The following NBAS variants were observed in gnomAD, a reference collection of about 807,000 sequenced individuals.
The protein encoded by NBAS is NBAS subunit of NRZ tethering complex, also known as NAG/BC035112 fusion.
NBAS carries 219 observed loss-of-function variants against 302.5 expected under a neutral mutation model. That is an observed-to-expected ratio of 0.72 (90% CI 0.65 to 0.81). NBAS has a LOEUF of 0.81. Ranked by LOEUF, NBAS falls within the 30% of genes least tolerant of loss-of-function variation. The pLI is 0.00. For synonymous variants in NBAS, 1,118 were observed against 1,021.6 expected (o/e 1.09, Z -1.80); for missense variants, 2,932 against 2,841.6 (o/e 1.03, Z -0.72).
At chr2:15,439,233 T>C (rs1268516889) in intron 21 of NBAS, among the ~76,000 whole-genome samples, 1 of 138,604 alleles carries the variant, frequency 7.2e-6, no homozygotes, top group Non-Finnish European at 1.5e-5. Flanking sequence ...AACCGGGAGG[T>C]GGGGCTTGCA....
chr2:15,391,248 A>C (rs1000543615), intron 28 of NBAS, among the ~76,000 whole-genome samples: 4 of 152,214 alleles, frequency 2.6e-5, no homozygotes, highest in South Asian at 2.1e-4. Context: ...GAAATGTTAG[A>C]AAAAGCAAAC....
At chr2:15,135,383 G>A in the NBAS span, among the ~76,000 whole-genome samples, 2 of 152,206 alleles carry the variant, frequency 1.3e-5, no homozygotes, top group Non-Finnish European at 2.9e-5. Flanking sequence ...TGAGCTAGGT[G>A]CTTGGGTGGT....
chr2:15,230,369 T>C (rs1032632601), intron 47 of NBAS, among the ~76,000 whole-genome samples: 3 of 148,462 alleles, frequency 2.0e-5, no homozygotes, highest in Non-Finnish European at 4.4e-5. Flanking sequence ...TATGGCTTTG[T>C]TTTTCTTCTT....
intron 38 of NBAS, among the ~76,000 whole-genome samples, chr2:15,327,316 G>A (rs1672117198): frequency 6.6e-6 from 1 of 152,142 alleles, no homozygotes; most frequent in African/African-American, 2.4e-5. Context: ...ATTGTAAGCT[G>A]TCTTCGGTAA....
At chr2:15,166,895 A>T (rs1157506144), downstream of NBAS, 2 of 1,044,302 alleles carry the variant, frequency 1.9e-6, no homozygotes, top group Non-Finnish European at 2.6e-6. Flanking sequence ...AAAAAAGGTT[A>T]AAAAAGCGGC....
the NBAS span, among the ~76,000 whole-genome samples, chr2:15,160,439 G>A: frequency 1.3e-5 from 2 of 152,202 alleles, no homozygotes; most frequent in Non-Finnish European, 2.9e-5. Context: ...ACACCCCGGG[G>A]CTGGGAGGAG....
chr2:15,121,730 ATT>A, the NBAS span, among the ~76,000 whole-genome samples: 37 of 141,936 alleles, frequency 2.6e-4, no homozygotes, highest in Middle Eastern at 3.5e-3. Flanking sequence ...TACAAAAAAA[ATT>A]TTTTTTTTTT....
Position 15,431,521 on chromosome 2 carries a change from A to T in NBAS, c.2340-3727T>A, listed in dbSNP as rs150280986. Among the ~76,000 whole-genome samples the T allele has an allele frequency of 5.1e-3, 772 of 152,278 alleles. 9 individuals carry two copies. Among genetic ancestry groups the T allele is most frequent in the African/African-American group, 0.017 (714 of 41,552 alleles). ...TCTAGTGCTATATCCTCAGCACCCA[A>T]AATAGTATCTGGCATTTAGCAGACT... On this transcript the variant is annotated intron_variant, in intron 21 of 51. Transcript: ENST00000281513.
intron 12 of NBAS, among the ~76,000 whole-genome samples, chr2:15,482,685 A>AT (rs11320202): frequency 5.1e-4 from 76 of 147,628 alleles, no homozygotes; most frequent in East Asian, 2.8e-3. Flanking sequence ...AAGTTCTTTG[A>AT]TTTTTTTTTT....
At position 15,473,321 on chromosome 2, in the gene NBAS, G is replaced by A. The variant is rs764232867; in HGVS notation, c.1626C>T (p.Ala542=). 1 of 1,613,952 alleles carries A rather than the reference G, an allele frequency of 6.2e-7. No homozygotes were observed. The highest frequency in any genetic ancestry group is 1.7e-5 in the Admixed American group (1 of 60,002). The change falls in exon 16 of 52, where the codon GCC becomes GCT. Residue 542 remains alanine, a synonymous_variant. Transcript: ENST00000281513. ...RKIESEEYEE[A]LSLAHTYGLD... ...GGCCGTAGGTATGAGCCAAGGACAA[G>A]GCTTCCTCATACTCTTCACTTTCAA...
At chr2:15,274,183 G>C (rs1669463082) in intron 44 of NBAS, among the ~76,000 whole-genome samples, 1 of 152,054 alleles carries the variant, frequency 6.6e-6, no homozygotes, top group African/African-American at 2.4e-5. Flanking sequence ...ATATTACTAG[G>C]GTTGCAATAA....
chr2:14,973,108 G>A, the NBAS span, among the ~76,000 whole-genome samples: 1 of 152,158 alleles, frequency 6.6e-6, no homozygotes, highest in South Asian at 2.1e-4. Flanking sequence ...GTCAGTGACT[G>A]ATCGCAACAT....
At chr2:14,897,867 A>G in the NBAS span, among the ~76,000 whole-genome samples, 2 of 152,174 alleles carry the variant, frequency 1.3e-5, no homozygotes, top group Non-Finnish European at 2.9e-5. Flanking sequence ...CTCCATTATA[A>G]GAGGGACACG....
chr2:15,230,484 G>T (rs541156458), intron 47 of NBAS, among the ~76,000 whole-genome samples: 1 of 147,290 alleles, frequency 6.8e-6, no homozygotes, highest in East Asian at 2.0e-4. Flanking sequence ...GTAAGATCTT[G>T]TTCTGTTTCT....
At chr2:15,268,870 T>C (rs1177446356) in intron 44 of NBAS, among the ~76,000 whole-genome samples, 1 of 152,216 alleles carries the variant, frequency 6.6e-6, no homozygotes, top group Non-Finnish European at 1.5e-5. Context: ...CAATTATTTA[T>C]TACTTTTTCC....
At chr2:15,546,813 T>C (rs948261875) in intron 6 of NBAS, among the ~76,000 whole-genome samples, 1 of 152,206 alleles carries the variant, frequency 6.6e-6, no homozygotes, top group Non-Finnish European at 1.5e-5. Context: ...GAGAAAATCA[T>C]ATTTGTATGG....
At chr2:14,941,975 T>C in the NBAS span, among the ~76,000 whole-genome samples, 2 of 152,194 alleles carry the variant, frequency 1.3e-5, no homozygotes, top group African/African-American at 4.8e-5. Flanking sequence ...TCAGACTAGT[T>C]GGGAACATAT....
the NBAS span, among the ~76,000 whole-genome samples, chr2:14,831,232 T>C: frequency 2.6e-5 from 4 of 152,300 alleles, no homozygotes; most frequent in Admixed American, 2.0e-4. Context: ...CTTTAAATCG[T>C]CATTTCAGAA....
intron 48 of NBAS, 114 bp downstream of exon 48, chr2:15,218,659 C>A: frequency 7.2e-7 from 1 of 1,387,242 alleles, no homozygotes; most frequent in Non-Finnish European, 1.0e-6. Flanking sequence ...AACTCCTGGC[C>A]TCAGGTGATC....
Sources: gnomAD v4.1 joint callset for allele counts (sites outside exome capture counted in the v4.1 genomes callset) on GRCh38, gnomAD v4.1.1 for gene constraint, MANE v1.5 for transcripts, NCBI Gene and HGNC (gene_info 2026-07-23, HGNC 2026-07-21) for gene names.